Variants in PCDHGA12 observed in about 807,000 individuals in gnomAD.
PCDHGA12 encodes protocadherin gamma subfamily A, 12, also known as protocadherin gamma-A12.
In PCDHGA12, 43 loss-of-function variants were observed where a neutral mutation model predicts 61.1. The ratio of observed to expected loss-of-function variants is 0.70; its 90% CI spans 0.55 to 0.91. PCDHGA12 has a LOEUF of 0.91. Ranked by LOEUF, PCDHGA12 falls within the 40% of genes least tolerant of loss-of-function variation. The pLI is 0.00. For missense variants in PCDHGA12, 1,236 were observed against 1,227.7 expected, an observed-to-expected ratio of 1.01 and a Z score of -0.10; for synonymous variants, 520 against 542.9, an observed-to-expected ratio of 0.96 and a Z score of 0.59.
chr5:141,510,813 C>T, intron 3 of PCDHGA12, 134 bp from the exon 4 acceptor site: 1 of 1,537,024 alleles, frequency 6.5e-7, no homozygotes, highest in South Asian at 1.2e-5. Flanking sequence ...CTTGGTGACC[C>T]CTATATTCCC....
Position 141,477,447 on chromosome 5 carries a change from G to T in PCDHGA12, c.2425-17360G>T, listed in dbSNP as rs779097830. The T allele has an allele frequency of 6.2e-7, 1 of 1,614,098 alleles. No homozygotes were observed. Among genetic ancestry groups the T allele is most frequent in the Non-Finnish European group, 8.5e-7 (1 of 1,180,016 alleles). ...TCCCTCTCAGCCCTTACAATAGTGCGTGTTCAAGTGTCCGACATCAATGAC... is the reference window on the plus strand; with the variant it reads ...TCCCTCTCAGCCCTTACAATAGTGCTTGTTCAAGTGTCCGACATCAATGAC... On this transcript the variant is annotated intron_variant, in intron 1 of 3. Coordinates refer to ENST00000252085, the MANE Select transcript of PCDHGA12 (RefSeq NM_003735.3). This position sits in a 1 kb window ranked among gnomAD's most constrained non-coding sequence, Gnocchi z 4.9.
intron 3 of PCDHGA12, among the ~76,000 whole-genome samples, chr5:141,509,700 TGGA>T (rs1407159498): frequency 6.6e-6 from 1 of 152,192 alleles, no homozygotes; most frequent in East Asian, 1.9e-4. Flanking sequence ...GACGTTGGAC[TGGA>T]GGTGCTGTCT....
intron 1 of PCDHGA12, chr5:141,479,198 GA>G (rs1288699377): frequency 6.6e-6 from 1 of 152,304 alleles, no homozygotes; most frequent in African/African-American, 2.4e-5. Context: ...AGAAAATACA[GA>G]AAAGTATTTA....
Position 141,485,183 on chromosome 5 carries a change from A to C in PCDHGA12, c.2425-9624A>C, listed in dbSNP as rs777796801. On this transcript the variant is annotated intron_variant, in intron 1 of 3. Transcript: ENST00000252085. This position sits in a 1 kb window ranked among gnomAD's most constrained non-coding sequence, Gnocchi z 5.7. ...TTAGCGGGCGGCAGCAATGCTCCGC[A>C]AGGTGAGAAGCTGGACAGAAATCTG... 1.9e-6 allele frequency: 3 copies of C among 1,613,248 alleles called. No individual in the cohort carries two copies. The highest frequency in any genetic ancestry group is 3.3e-5 in the Admixed American group (2 of 60,006).
intron 1 of PCDHGA12, among the ~76,000 whole-genome samples, chr5:141,483,526 G>A (rs2099582495): frequency 6.6e-6 from 1 of 152,118 alleles, no homozygotes; most frequent in African/African-American, 2.4e-5. Flanking sequence ...TCCTGACTAA[G>A]GAAGCTGGGT....
chr5:141,447,538 T>C (rs954291961), intron 1 of PCDHGA12, among the ~76,000 whole-genome samples: 4 of 152,204 alleles, frequency 2.6e-5, no homozygotes, highest in Admixed American at 2.6e-4. Context: ...TTGTTGGGTT[T>C]TAATGTTATG....
rs56854727 is a variant in PCDHGA12, at chr5:141,438,635, TACACACAC to T, written c.2424+5462_2424+5469del. ...ATATATATATATATATATATATATA[TACACACAC>T]ACACACACATATATGTATATATATA... On this transcript the variant is annotated intron_variant, in intron 1 of 3. Transcript: ENST00000252085. Among the ~76,000 whole-genome samples, 72 of 33,376 alleles carry T rather than the reference TACACACAC, an allele frequency of 2.2e-3. 1 individual carries two copies. Among genetic ancestry groups the T allele is most frequent in the Non-Finnish European group, 3.0e-3 (57 of 18,970 alleles). The allele number at this position is 33,376 out of a possible 152,430, so 21.9% of individuals were successfully genotyped here.
In PCDHGA12 at chr5:141,509,341, G is replaced by C. The variant is rs552337350; in HGVS notation, c.2573-1606G>C. Among the ~76,000 whole-genome samples, 4 of 152,290 alleles carry C rather than the reference G, an allele frequency of 2.6e-5. No homozygotes were observed. The East Asian group carries it at 7.7e-4, about 29-fold the overall frequency. On this transcript the variant is annotated intron_variant, in intron 3 of 3. Transcript: ENST00000252085. ...GAAGCTCTACTGCCAGCTGGGCCTG[G>C]GCTGGCCTGGGCATCCCTGAGGTTT...
chr5:141,512,241 G>A lies in PCDHGA12; in HGVS notation c.*1068G>A, dbSNP rs533051658. On this transcript the variant is annotated 3_prime_UTR_variant, in exon 4 of 4. Coordinates refer to ENST00000252085, the MANE Select transcript of PCDHGA12 (RefSeq NM_003735.3). ...CCAGGTCCCCTTGAGAGGTCAGAGGGGCCTCTGTGGGTGCTGGGTACTCCA... is the reference window on the plus strand; with the variant it reads ...CCAGGTCCCCTTGAGAGGTCAGAGGAGCCTCTGTGGGTGCTGGGTACTCCA... 1 of 152,866 alleles carries A rather than the reference G, an allele frequency of 6.5e-6. No individual in the cohort carries two copies. The highest frequency in any genetic ancestry group is 2.1e-4 in the South Asian group (1 of 4,824). 9.5% of individuals were successfully genotyped at this position (152,866 alleles called of 1,614,324 possible).
chr5:141,478,249 A>T, intron 1 of PCDHGA12: 1 of 1,614,110 alleles, frequency 6.2e-7, no homozygotes, highest in African/African-American at 1.3e-5. Context: ...CAGTGTTCGG[A>T]GTAATCATAT....
chr5:141,500,491 G>A (rs1595677531), intron 2 of PCDHGA12, among the ~76,000 whole-genome samples: 1 of 152,156 alleles, frequency 6.6e-6, no homozygotes, highest in East Asian at 1.9e-4. Context: ...TTACAGGCGT[G>A]AGCCACCGCG....
At chr5:141,501,470 TG>T (rs1206698871) in intron 2 of PCDHGA12, among the ~76,000 whole-genome samples, 1 of 152,068 alleles carries the variant, frequency 6.6e-6, no homozygotes, top group African/African-American at 2.4e-5. Flanking sequence ...CCCCAAATCC[TG>T]GAAGAGTCCC....
chr5:141,495,300 C>T (rs1249195819), intron 2 of PCDHGA12, among the ~76,000 whole-genome samples: 1 of 152,204 alleles, frequency 6.6e-6, no homozygotes, highest in Non-Finnish European at 1.5e-5. Context: ...AGCGCCTCCT[C>T]CAGAGCCTCC....
chr5:141,494,751 G>A, intron 1 of PCDHGA12, 56 bp from the exon 2 acceptor site: 2 of 1,613,426 alleles, frequency 1.2e-6, no homozygotes, highest in Non-Finnish European at 8.5e-7. Flanking sequence ...AGGGGCTCGG[G>A]TGACATTCTA....
intron 2 of PCDHGA12, among the ~76,000 whole-genome samples, chr5:141,499,884 C>T (rs917762715): frequency 2.0e-5 from 3 of 152,014 alleles, no homozygotes; most frequent in Admixed American, 6.5e-5. Flanking sequence ...AACAGGGTTT[C>T]GCCATGTTGG....
In PCDHGA12 at chr5:141,489,117, T is replaced by A; in HGVS notation, c.2425-5690T>A. On this transcript the variant is annotated intron_variant, in intron 1 of 3. Coordinates refer to ENST00000252085, the MANE Select transcript of PCDHGA12 (RefSeq NM_003735.3). The surrounding 1 kb of genome is among the most constrained non-coding windows in gnomAD (Gnocchi z 4.5). ...AAGAACTGCTGCAAGCAGGCAAACCTCCGAGCAGTTTTTAAGAGGCTGGAA... is the reference window on the plus strand; with the variant it reads ...AAGAACTGCTGCAAGCAGGCAAACCACCGAGCAGTTTTTAAGAGGCTGGAA... The A allele has an allele frequency of 1.4e-5, 5 of 370,102 alleles. No homozygotes were observed. The highest frequency in any genetic ancestry group is 2.3e-5 in the Non-Finnish European group (5 of 214,436). 22.9% of individuals were successfully genotyped at this position (370,102 alleles called of 1,614,324 possible).
intron 1 of PCDHGA12, among the ~76,000 whole-genome samples, chr5:141,474,412 C>A (rs1282336092): frequency 6.6e-6 from 1 of 152,220 alleles, no homozygotes; most frequent in Non-Finnish European, 1.5e-5. Flanking sequence ...CCGGTGATGC[C>A]TAGACCATTG....
chr5:141,501,544 G>T (rs1297191346), intron 2 of PCDHGA12, among the ~76,000 whole-genome samples: 3 of 151,962 alleles, frequency 2.0e-5, no homozygotes, highest in African/African-American at 7.3e-5. Flanking sequence ...TTGTGCATAA[G>T]ATCATAGGCC....
At chr5:141,456,051 C>T (rs1592410743) in intron 1 of PCDHGA12, among the ~76,000 whole-genome samples, 1 of 151,998 alleles carries the variant, frequency 6.6e-6, no homozygotes, top group Non-Finnish European at 1.5e-5. Context: ...GCGCCCACCA[C>T]CACGTCCGGC....
Sources: allele counts gnomAD v4.1 joint callset (sites outside exome capture counted in the v4.1 genomes callset), GRCh38; gene constraint gnomAD v4.1.1; non-coding constraint Gnocchi (gnomAD v3.1); transcripts MANE v1.5; gene names NCBI Gene and HGNC (gene_info 2026-07-23, HGNC 2026-07-21).